The following TMEM150C variants were observed in gnomAD, a reference collection of about 807,000 sequenced individuals.
TMEM150C encodes the protein tentonin 3.
TMEM150C carries 10 observed loss-of-function variants against 29.9 expected under a neutral mutation model. The observed-to-expected ratio is 0.33, with a 90% CI of 0.21 to 0.57. The LOEUF (loss-of-function observed/expected upper bound fraction) is 0.57. TMEM150C is among the 20% of genes least tolerant of loss of function. The pLI is 0.88. For synonymous variants in TMEM150C, 101 were observed against 112.5 expected (o/e 0.90, Z 0.64); for missense variants, 251 against 303.6 (o/e 0.83, Z 1.29).
At chr4:82,517,100 T>A (rs562602994) in intron 1 of TMEM150C, among the ~76,000 whole-genome samples, 1 of 152,356 alleles carries the variant, frequency 6.6e-6, no homozygotes, top group African/African-American at 2.4e-5. Flanking sequence ...ACACACCTCG[T>A]GAAAGGTGAC....
intron 1 of TMEM150C, among the ~76,000 whole-genome samples, chr4:82,531,926 A>T (rs1026546980): frequency 6.6e-6 from 1 of 152,174 alleles, no homozygotes; most frequent in African/African-American, 2.4e-5. Flanking sequence ...GGATTTAGCA[A>T]TTCAGAGGTC....
intron 6 of TMEM150C, chr4:82,491,306 TG>T: frequency 1.5e-6 from 1 of 679,684 alleles, no homozygotes; most frequent in Non-Finnish European, 2.7e-6. Context: ...TCTCTTGCTT[TG>T]TCTCTGGTCT....
intron 1 of TMEM150C, among the ~76,000 whole-genome samples, chr4:82,544,081 C>G (rs906997705): frequency 6.6e-6 from 1 of 152,190 alleles, no homozygotes; most frequent in African/African-American, 2.4e-5. Context: ...CCCTCACCGT[C>G]CAGGTGTAGC....
At chr4:82,497,241 T>C (rs1560481945) in intron 5 of TMEM150C, among the ~76,000 whole-genome samples, 1 of 152,224 alleles carries the variant, frequency 6.6e-6, no homozygotes, top group Non-Finnish European at 1.5e-5. Flanking sequence ...AAAATCACTT[T>C]CGATTAATGT....
At chr4:82,537,075 A>G (rs1006321353) in intron 1 of TMEM150C, among the ~76,000 whole-genome samples, 2 of 152,072 alleles carry the variant, frequency 1.3e-5, no homozygotes, top group Non-Finnish European at 2.9e-5. Context: ...TCCACCTCCC[A>G]GGTTCACACC....
At chr4:82,514,280 G>C (rs1239304935) in intron 1 of TMEM150C, among the ~76,000 whole-genome samples, 1 of 152,244 alleles carries the variant, frequency 6.6e-6, no homozygotes, top group African/African-American at 2.4e-5. Flanking sequence ...GCTGCTGTGT[G>C]CATTTCCTCC....
chr4:82,558,849 C>T (rs1412147637), intron 1 of TMEM150C, among the ~76,000 whole-genome samples: 1 of 151,902 alleles, frequency 6.6e-6, no homozygotes, highest in Admixed American at 6.5e-5. Context: ...GTGACCTGCA[C>T]GTATACATCC....
chr4:82,495,213 C>A (rs993244284), intron 6 of TMEM150C: 11 of 309,638 alleles, frequency 3.6e-5, no homozygotes, highest in Non-Finnish European at 1.2e-5. Context: ...GAGGCCGAGG[C>A]GGGCAGATCG....
intron 1 of TMEM150C, among the ~76,000 whole-genome samples, chr4:82,511,213 T>C (rs991071657): frequency 1.3e-5 from 2 of 152,190 alleles, no homozygotes; most frequent in African/African-American, 4.8e-5. Flanking sequence ...AATCCCCCTG[T>C]TCCTACAACA....
At chr4:82,546,275 C>A (rs977380233) in intron 1 of TMEM150C, among the ~76,000 whole-genome samples, 7 of 152,110 alleles carry the variant, frequency 4.6e-5, no homozygotes, top group Non-Finnish European at 1.0e-4. Flanking sequence ...CTGGAATAAC[C>A]AAAGCAATCC....
intron 1 of TMEM150C, among the ~76,000 whole-genome samples, chr4:82,507,079 T>C (rs1174480668): frequency 6.6e-6 from 1 of 152,164 alleles, no homozygotes; most frequent in African/African-American, 2.4e-5. Context: ...ATGAACACTA[T>C]TGAATGCAAA....
intron 1 of TMEM150C, among the ~76,000 whole-genome samples, chr4:82,538,718 A>G (rs1725095677): frequency 6.6e-6 from 1 of 152,184 alleles, no homozygotes; most frequent in Non-Finnish European, 1.5e-5. Flanking sequence ...ATCAACATGT[A>G]ATATATTAAT....
At chr4:82,545,857 G>A (rs907621056) in intron 1 of TMEM150C, among the ~76,000 whole-genome samples, 12 of 152,170 alleles carry the variant, frequency 7.9e-5, no homozygotes, top group East Asian at 1.9e-4. Flanking sequence ...CCCAGGAGGC[G>A]GAGGTTGCAG....
chr4:82,495,437 T>C (rs1723517396), intron 6 of TMEM150C: 2 of 321,458 alleles, frequency 6.2e-6, no homozygotes, highest in Non-Finnish European at 1.2e-5. Flanking sequence ...CGAGACTCCG[T>C]CTCAAAAAAG....
At chr4:82,539,128 G>T (rs557402465) in intron 1 of TMEM150C, among the ~76,000 whole-genome samples, 55 of 152,160 alleles carry the variant, frequency 3.6e-4, no homozygotes, top group Non-Finnish European at 6.2e-4. Context: ...TTACAAAATA[G>T]CTAAGAAAAC....
At chr4:82,503,293 A>G (rs1389129103) in intron 2 of TMEM150C, among the ~76,000 whole-genome samples, 181 bp from the exon 3 acceptor site, 1 of 152,184 alleles carries the variant, frequency 6.6e-6, no homozygotes, top group Non-Finnish European at 1.5e-5. Flanking sequence ...ATTATTAGTA[A>G]TATTTCCTTA....
intron 5 of TMEM150C, among the ~76,000 whole-genome samples, chr4:82,499,762 G>A (rs1024951140): frequency 6.9e-6 from 1 of 144,102 alleles, no homozygotes; most frequent in Non-Finnish European, 1.5e-5. Context: ...TAGAATAATG[G>A]CTGATTTTTC....
intron 5 of TMEM150C, among the ~76,000 whole-genome samples, chr4:82,499,638 G>T (rs566174862): frequency 7.1e-6 from 1 of 140,274 alleles, no homozygotes; most frequent in Non-Finnish European, 1.5e-5. Flanking sequence ...CAGGAGAATC[G>T]CTTGAACCTG....
At chr4:82,530,350 G>C (rs1023917004) in intron 1 of TMEM150C, among the ~76,000 whole-genome samples, 3 of 152,044 alleles carry the variant, frequency 2.0e-5, no homozygotes, top group Admixed American at 6.5e-5. Context: ...GAGGTTAGGA[G>C]ATCGAGACCA....
Sources: allele counts gnomAD v4.1 joint callset (sites outside exome capture counted in the v4.1 genomes callset), GRCh38; gene constraint gnomAD v4.1.1; transcripts MANE v1.5; gene names NCBI Gene and HGNC (gene_info 2026-07-23, HGNC 2026-07-21).